Variants in NEBL observed in about 807,000 individuals in gnomAD.
NEBL encodes nebulette, also known as LIM and SH3 protein 2.
In NEBL, 122 loss-of-function variants were observed where a neutral mutation model predicts 140.2. That is an observed-to-expected ratio of 0.87 (90% CI 0.75 to 1.01). The LOEUF is 1.01. Among genes scored for constraint, NEBL ranks in the 50% least tolerant of loss-of-function variants. The pLI is 0.00. For missense variants in NEBL, 1,365 were observed against 1,231.3 expected (o/e 1.11, Z -1.62); for synonymous variants, 436 against 398.9 (o/e 1.09, Z -1.11).
intron 3 of NEBL, among the ~76,000 whole-genome samples, chr10:21,003,008 T>A (rs1335346918): frequency 7.6e-5 from 3 of 39,390 alleles, no homozygotes; most frequent in Non-Finnish European, 1.9e-4. Context: ...TGTGGCTTTT[T>A]TTTTTTTTTT....
chr10:20,823,142 T>G (rs1440702323), intron 19 of NEBL, 66 bp downstream of exon 19: 1 of 1,213,554 alleles, frequency 8.2e-7, no homozygotes, highest in East Asian at 2.5e-5. Flanking sequence ...CTGTACAGGT[T>G]TTATGCTGTC....
At chr10:20,806,266 G>A (rs150843894) in intron 26 of NEBL, among the ~76,000 whole-genome samples, 224 of 151,640 alleles carry the variant, frequency 1.5e-3, no homozygotes, top group African/African-American at 5.1e-3. Flanking sequence ...GAGGCCCTCC[G>A]AATTCCTGAT....
At chr10:20,918,130 G>C (rs771891023) in intron 4 of NEBL, among the ~76,000 whole-genome samples, 1 of 152,196 alleles carries the variant, frequency 6.6e-6, no homozygotes, top group South Asian at 2.1e-4. Flanking sequence ...AGGCCAAGGC[G>C]GGCAGATCAC....
rs1835556681 is a variant in NEBL, at chr10:21,066,581, CCAAAG to C, written c.165-46385_165-46381del. ...AAGACTGATCCAGAAATGTCAATGG[CCAAAG>C]CAAACAGAGAATCATTAATAATGGA... is the stretch of plus-strand genomic sequence containing the variant. On this transcript the variant is annotated intron_variant, in intron 2 of 6. Coordinates refer to the NEBL transcript ENST00000417816. 2.0e-5 allele frequency among the ~76,000 whole-genome samples: 3 copies of C among 152,226 alleles called. No individual in the cohort carries two copies. In the South Asian group the frequency reaches 6.2e-4, roughly 32 times the overall value.
intron 4 of NEBL, among the ~76,000 whole-genome samples, chr10:20,917,567 T>G (rs1203928314): frequency 6.6e-6 from 1 of 152,208 alleles, no homozygotes; most frequent in African/African-American, 2.4e-5. Context: ...CGTACCTCAT[T>G]TTTAACTTGG....
chr10:20,962,590 C>G (rs1056722941), intron 3 of NEBL, among the ~76,000 whole-genome samples: 2 of 152,152 alleles, frequency 1.3e-5, no homozygotes, highest in African/African-American at 4.8e-5. Flanking sequence ...CTTACAGAAC[C>G]CCATCTCCTG....
intron 4 of NEBL, among the ~76,000 whole-genome samples, chr10:20,917,536 G>A (rs1003199087): frequency 6.6e-6 from 1 of 152,098 alleles, no homozygotes; most frequent in Non-Finnish European, 1.5e-5. Context: ...TCACATGCTG[G>A]CCACACATTA....
chr10:20,882,999 T>C (rs1846160643), intron 4 of NEBL, among the ~76,000 whole-genome samples: 1 of 152,204 alleles, frequency 6.6e-6, no homozygotes, highest in African/African-American at 2.4e-5. Flanking sequence ...CGTCACTGAC[T>C]TCTGTTCCTC....
At chr10:21,288,768 A>AAAACAAGAAAAAG (rs1843095957) in intron 1 of NEBL, among the ~76,000 whole-genome samples, 1 of 118,950 alleles carries the variant, frequency 8.4e-6, no homozygotes, top group Admixed American at 9.5e-5. Context: ...GCCAAAAAAA[A>AAAACAAGAAAAAG]AAAAAAGAAA....
intron 4 of NEBL, among the ~76,000 whole-genome samples, chr10:20,932,439 G>A (rs2131538786): frequency 6.6e-6 from 1 of 152,222 alleles, no homozygotes; most frequent in African/African-American, 2.4e-5. Context: ...GGGGAGAAAG[G>A]GGAGGGAGAG....
intron 2 of NEBL, among the ~76,000 whole-genome samples, chr10:21,089,396 G>A (rs191904082): frequency 5.7e-4 from 87 of 152,262 alleles, no homozygotes; most frequent in Non-Finnish European, 9.6e-4. Context: ...CCAAGACTGC[G>A]TTGGAACAAA....
chr10:21,052,421 A>G (rs1834816876), intron 2 of NEBL, among the ~76,000 whole-genome samples: 1 of 152,106 alleles, frequency 6.6e-6, no homozygotes, highest in Non-Finnish European at 1.5e-5. Context: ...GCAGCTAACA[A>G]TAAGACTCCG....
chr10:21,015,503 G>GT (rs946144301), intron 3 of NEBL, among the ~76,000 whole-genome samples: 20 of 152,092 alleles, frequency 1.3e-4, no homozygotes, highest in African/African-American at 4.1e-4. Context: ...TATTTTTTCT[G>GT]TTTTTTGGGG....
At chr10:21,248,361 A>T (rs1842545122) in intron 2 of NEBL, among the ~76,000 whole-genome samples, 1 of 152,168 alleles carries the variant, frequency 6.6e-6, no homozygotes, top group South Asian at 2.1e-4. Context: ...CACTAGAAAA[A>T]AAAAAAATTA....
intron 26 of NEBL, among the ~76,000 whole-genome samples, chr10:20,792,913 C>T (rs761355863): frequency 1.3e-5 from 2 of 152,114 alleles, no homozygotes; most frequent in African/African-American, 4.8e-5. Context: ...TGCTTTTACA[C>T]GTGTCACTGA....
chr10:20,805,999 T>C (rs1837583890), intron 26 of NEBL, among the ~76,000 whole-genome samples: 1 of 152,182 alleles, frequency 6.6e-6, no homozygotes, highest in Admixed American at 6.5e-5. Context: ...TACCCATCCA[T>C]GTGTTACTCA....
intron 2 of NEBL, among the ~76,000 whole-genome samples, chr10:21,031,345 C>G (rs1368495614): frequency 6.6e-6 from 1 of 152,168 alleles, no homozygotes; most frequent in Non-Finnish European, 1.5e-5. Context: ...CATGCTCAAA[C>G]AAAGAGGTTT....
chr10:21,064,079 C>T (rs1424801643), intron 2 of NEBL, among the ~76,000 whole-genome samples: 2 of 151,900 alleles, frequency 1.3e-5, no homozygotes, highest in African/African-American at 2.4e-5. Context: ...CTCAGAAAAG[C>T]TTTCTGGAGT....
At chr10:21,288,153 T>C (rs1052142504) in intron 1 of NEBL, among the ~76,000 whole-genome samples, 1 of 151,964 alleles carries the variant, frequency 6.6e-6, no homozygotes, top group African/African-American at 2.4e-5. Context: ...ATCAAAGGAG[T>C]GAAGTAATAA....
Sources: gnomAD v4.1 joint callset for allele counts (sites outside exome capture counted in the v4.1 genomes callset) on GRCh38, gnomAD v4.1.1 for gene constraint, MANE v1.5 for transcripts, NCBI Gene and HGNC (gene_info 2026-07-23, HGNC 2026-07-21) for gene names.